SUSD4: variants seen among roughly 807,000 people sequenced by gnomAD.
SUSD4 encodes the protein sushi domain-containing protein 4.
SUSD4 carries 41 observed loss-of-function variants against 50.5 expected under a neutral mutation model. The observed-to-expected ratio is 0.81, with a 90% CI of 0.63 to 1.05. SUSD4 has a LOEUF of 1.05. Ranked by LOEUF, SUSD4 falls within the 50% of genes least tolerant of loss-of-function variation. The pLI, the probability that SUSD4 is intolerant of heterozygous loss-of-function variation, is 0.00. For missense variants in SUSD4, 580 were observed against 634.7 expected, an observed-to-expected ratio of 0.91 and a Z score of 0.93; for synonymous variants, 257 against 257.3, an observed-to-expected ratio of 1.00 and a Z score of 0.01.
chr1:223,298,813 C>A (rs1665002517), intron 2 of SUSD4, among the ~76,000 whole-genome samples: 1 of 152,222 alleles, frequency 6.6e-6, no homozygotes, highest in Admixed American at 6.5e-5. Flanking sequence ...TGTATTCTTT[C>A]TGCGCTTATT....
intron 5 of SUSD4, among the ~76,000 whole-genome samples, chr1:223,262,007 G>A (rs1026710406): frequency 6.6e-6 from 1 of 152,208 alleles, no homozygotes; most frequent in African/African-American, 2.4e-5. Context: ...ATGCCAGGAT[G>A]TGAAGCCAGT....
intron 2 of SUSD4, among the ~76,000 whole-genome samples, chr1:223,323,551 A>G (rs1268028012): frequency 6.6e-6 from 1 of 152,182 alleles, no homozygotes; most frequent in African/African-American, 2.4e-5. Flanking sequence ...TGAGGCTGCC[A>G]TGGAGACAGG....
rs1057231568 is a variant in SUSD4 at position 223,282,579 on chromosome 1, G to A, written c.361+9860C>T. Among the ~76,000 whole-genome samples, 20 of 152,172 alleles carry A rather than the reference G, an allele frequency of 1.3e-4. 1 individual carries two copies. The highest frequency in any genetic ancestry group is 1.2e-3 in the Admixed American group (19 of 15,272). ...GGAGAACTACAAACCACTGCTCAAC[G>A]AAATAAAAGAGGATATGAACAAGTG... On this transcript the variant is annotated intron_variant, in intron 3 of 8. Transcript: ENST00000366878.
intron 5 of SUSD4, 24 bp downstream of exon 5, chr1:223,264,606 T>C (rs1662351587): frequency 6.2e-7 from 1 of 1,611,854 alleles, no homozygotes; most frequent in Non-Finnish European, 8.5e-7. Flanking sequence ...AAAATACAAC[T>C]TCCGAAAGAA....
At chr1:223,305,166 G>A (rs1212807764) in intron 2 of SUSD4, among the ~76,000 whole-genome samples, 3 of 152,018 alleles carry the variant, frequency 2.0e-5, no homozygotes, top group Admixed American at 6.6e-5. Flanking sequence ...GGCTTGCAGG[G>A]GAAATCTAAG....
intron 2 of SUSD4, among the ~76,000 whole-genome samples, chr1:223,315,250 A>G (rs370139832): frequency 1.5e-4 from 23 of 152,250 alleles, no homozygotes; most frequent in African/African-American, 4.8e-4. Context: ...ATGAAGGGCC[A>G]TCAGGTTAGG....
chr1:223,278,911 A>G (rs1043730495), intron 3 of SUSD4, among the ~76,000 whole-genome samples: 2 of 152,192 alleles, frequency 1.3e-5, no homozygotes, highest in African/African-American at 2.4e-5. Flanking sequence ...CTGTTCAGCA[A>G]TATTTGCCGT....
chr1:223,276,861 C>T (rs1225018823), intron 3 of SUSD4, among the ~76,000 whole-genome samples: 8 of 152,004 alleles, frequency 5.3e-5, no homozygotes, highest in African/African-American at 1.5e-4. Flanking sequence ...TAATCCACAT[C>T]TAAGGCAATA....
At chr1:223,308,888 C>CAA (rs1400062654) in intron 2 of SUSD4, among the ~76,000 whole-genome samples, 1 of 152,106 alleles carries the variant, frequency 6.6e-6, no homozygotes, top group Non-Finnish European at 1.5e-5. Context: ...AGACCACTAC[C>CAA]AAAAGTTATC....
chr1:223,278,374 C>T (rs1052992754), intron 3 of SUSD4, among the ~76,000 whole-genome samples: 1 of 152,152 alleles, frequency 6.6e-6, no homozygotes, highest in African/African-American at 2.4e-5. Context: ...CCTAATACTG[C>T]GCTTCTCAAA....
At chr1:223,260,751 A>G (rs577341086) in intron 5 of SUSD4, among the ~76,000 whole-genome samples, 32 of 152,328 alleles carry the variant, frequency 2.1e-4, no homozygotes, top group African/African-American at 6.5e-4. Context: ...CCCACTATCC[A>G]TGAGTGCAAT....
At chr1:223,275,502 T>C (rs1037601059) in intron 3 of SUSD4, among the ~76,000 whole-genome samples, 3 of 152,192 alleles carry the variant, frequency 2.0e-5, no homozygotes, top group African/African-American at 7.2e-5. Context: ...GCATGTCAAA[T>C]GCCCTTCTCA....
chr1:223,292,665 G>A lies in SUSD4; in HGVS notation c.149-14C>T. The A allele has an allele frequency of 6.2e-7, 1 of 1,612,576 alleles. No homozygotes were observed. On this transcript the variant is annotated splice_polypyrimidine_tract_variant and intron_variant, in intron 2 of 8. Transcript: ENST00000366878. ...GGTCATCGAACCCTACATCAACAAAGAGAGGAAAAGGTGCCTATGAATATG... is the reference window on the plus strand; with the variant it reads ...GGTCATCGAACCCTACATCAACAAAAAGAGGAAAAGGTGCCTATGAATATG...
intron 2 of SUSD4, among the ~76,000 whole-genome samples, chr1:223,292,980 C>A (rs890380646): frequency 6.6e-6 from 1 of 152,096 alleles, no homozygotes; most frequent in Admixed American, 6.6e-5. Context: ...GAGGAGGGAA[C>A]AGTAGGTGGG....
In SUSD4 at chr1:223,231,858, G is replaced by A. The variant is rs868049275; in HGVS notation, c.725-2470C>T. 5.3e-5 allele frequency among the ~76,000 whole-genome samples: 8 copies of A among 152,230 alleles called. No homozygotes were observed. The highest frequency in any genetic ancestry group is 2.1e-4 in the South Asian group (1 of 4,836). Reference sequence around the variant, plus strand: ...GGAGCATTCCCCAGCGCTGTTGTACGCTCAGGAGGCCGGCATCTTCTCTGG... The same window carrying A: ...GGAGCATTCCCCAGCGCTGTTGTACACTCAGGAGGCCGGCATCTTCTCTGG... On this transcript the variant is annotated intron_variant, in intron 5 of 8. Transcript: ENST00000366878. The surrounding 1 kb of genome is among the most constrained non-coding windows in gnomAD (Gnocchi z 4.2).
intron 2 of SUSD4, among the ~76,000 whole-genome samples, chr1:223,320,177 T>TA (rs1558247223): frequency 6.6e-6 from 1 of 151,328 alleles, no homozygotes; most frequent in Admixed American, 6.6e-5. Flanking sequence ...TTTTGTCCTT[T>TA]AAAAAAAAAG....
At position 223,231,482 on chromosome 1, in the gene SUSD4, CA is replaced by C. The variant is rs1457158438; in HGVS notation, c.725-2095del. 1.3e-5 allele frequency among the ~76,000 whole-genome samples: 2 copies of C among 152,176 alleles called. No individual in the cohort carries two copies. Reference sequence around the variant, plus strand: ...CCAGGAGCTTTCTGCTGCTCTGCCTCAGGGTCTCTCCTGGGCTGGCAAATGC... The same window carrying C: ...CCAGGAGCTTTCTGCTGCTCTGCCTCGGGTCTCTCCTGGGCTGGCAAATGC... On this transcript the variant is annotated intron_variant, in intron 5 of 8. Coordinates refer to ENST00000366878, the MANE Select transcript of SUSD4 (RefSeq NM_017982.4). The surrounding 1 kb of genome is among the most constrained non-coding windows in gnomAD (Gnocchi z 4.2).
In SUSD4 at chr1:223,268,582, T is replaced by A; in HGVS notation, c.455A>T (p.Lys152Met). 6.2e-7 allele frequency: 1 copy of A among 1,613,938 alleles called. No individual in the cohort carries two copies. Among genetic ancestry groups the A allele is most frequent in the Non-Finnish European group, 8.5e-7 (1 of 1,179,976 alleles). The stretch of plus-strand genomic sequence containing the variant: ...ATTGTGTAGGTCGGGGTACCGGATC[T>A]TGAATCCTTCATGACAAGTGATGAT... Reference protein sequence around the residue: ...KLIITCHEGFKIRYPDLHNMV... With the variant: ...KLIITCHEGFMIRYPDLHNMV... Residue 152 changes from lysine (K) to methionine (M), a missense_variant, in exon 4 of 9, where the codon AAG (lysine) becomes ATG (methionine). Physicochemically the swap from Lys to Met is moderately conservative, Grantham distance 95 (BLOSUM62 -1). Transcript: ENST00000366878.
chr1:223,279,618 T>C (rs1558209426), intron 3 of SUSD4, among the ~76,000 whole-genome samples: 1 of 152,212 alleles, frequency 6.6e-6, no homozygotes, highest in Non-Finnish European at 1.5e-5. Flanking sequence ...CTGATTGATG[T>C]ACCTGAAAGT....
Sources: allele counts gnomAD v4.1 joint callset (sites outside exome capture counted in the v4.1 genomes callset), GRCh38; gene constraint gnomAD v4.1.1; non-coding constraint Gnocchi (gnomAD v3.1); transcripts MANE v1.5; gene names NCBI Gene and HGNC (gene_info 2026-07-23, HGNC 2026-07-21).